Variants in ZSCAN9 observed in about 807,000 individuals in gnomAD.
The protein encoded by ZSCAN9 is zinc finger and SCAN domain-containing protein 9.
A neutral mutation model predicts 23.0 loss-of-function variants in ZSCAN9; 19 were observed. The observed-to-expected ratio is 0.83, with a 90% CI of 0.58 to 1.21. The LOEUF is 1.21. Among genes scored for constraint, ZSCAN9 ranks in the 50% most tolerant of loss-of-function variants. The pLI is 0.00. For synonymous variants in ZSCAN9, 155 were observed against 164.8 expected (o/e 0.94, Z 0.46); for missense variants, 467 against 471.5 (o/e 0.99, Z 0.09).
In ZSCAN9 at chr6:28,227,133, G is replaced by A; in HGVS notation, c.49G>A (p.Glu17Lys). ...EVLSLGVQVP[E>K]AWEELLTMKV... ...TTTATCCCTGGGTGTTCAAGTTCCC[G>A]AGGCATGGGAAGAACTTCTGACAAT... The change falls in exon 2 of 4, where the codon GAG (glutamate) becomes AAG (lysine). Residue 17 changes from glutamate (E) to lysine (K), a missense_variant. Physicochemically the swap from Glu to Lys is moderately conservative, Grantham distance 56. Transcript: ENST00000252207. The A allele has an allele frequency of 9.3e-6, 15 of 1,614,186 alleles. No individual in the cohort carries two copies. Among genetic ancestry groups the A allele is most frequent in the Non-Finnish European group, 1.3e-5 (15 of 1,180,030 alleles).
intron 3 of ZSCAN9, chr6:28,228,070 G>C: frequency 1.4e-6 from 1 of 696,714 alleles, no homozygotes. Flanking sequence ...TGGTACATGA[G>C]GAAGGCTTTC....
chr6:28,232,658 G>A lies in ZSCAN9; in HGVS notation c.665G>A (p.Trp222Ter). 1 of 1,614,170 alleles carries A rather than the reference G, an allele frequency of 6.2e-7. No individual in the cohort carries two copies. Among genetic ancestry groups the A allele is most frequent in the Non-Finnish European group, 8.5e-7 (1 of 1,180,034 alleles). Residue 222 changes from tryptophan to a stop codon, truncating the protein, a stop_gained, in exon 4 of 4, where the codon TGG becomes TAG. Coordinates refer to ENST00000252207, the MANE Select transcript of ZSCAN9 (RefSeq NM_006299.5). LOFTEE classifies it low-confidence loss of function (END_TRUNC). ...PHGKMFNEQT[W>*]EVSQQDPSHG... ...GGGAAAATGTTTAATGAGCAGACCT[G>A]GGAGGTATCACAGCAGGATCCCTCA...
chr6:28,226,608 C>T (rs1364250999), intron 1 of ZSCAN9, among the ~76,000 whole-genome samples: 1 of 152,120 alleles, frequency 6.6e-6, no homozygotes, highest in Admixed American at 6.5e-5. Flanking sequence ...CACAAGGTCA[C>T]ACAACTAGTA....
chr6:28,232,088 T>C (rs142255256), intron 3 of ZSCAN9, among the ~76,000 whole-genome samples: 27,939 of 152,098 alleles, frequency 0.18, 3,051 homozygotes, highest in African/African-American at 0.29. Context: ...TCGCAGCATT[T>C]TGGGAGGCCG....
chr6:28,230,249 G>C, intron 3 of ZSCAN9: 1 of 1,216,858 alleles, frequency 8.2e-7, no homozygotes, highest in Non-Finnish European at 1.1e-6. Context: ...TGCTTCATAA[G>C]TCATGAAAGT....
Position 28,227,268 on chromosome 6 carries a change from G to T in ZSCAN9, c.184G>T (p.Glu62Ter). ...RRHFRQLCYQ[E>*]TPGPREALTR... ...GCACTTTCGACAGCTGTGCTACCAAGAGACCCCTGGACCAAGGGAGGCTCT... is the reference window on the plus strand; with the variant it reads ...GCACTTTCGACAGCTGTGCTACCAATAGACCCCTGGACCAAGGGAGGCTCT... Residue 62 changes from glutamate (E) to a stop codon, truncating the protein, a stop_gained, in exon 2 of 4, where the codon GAG becomes TAG. Coordinates refer to ENST00000252207, the MANE Select transcript of ZSCAN9 (RefSeq NM_006299.5). LOFTEE classifies it high-confidence loss of function. 1 of 1,614,228 alleles carries T rather than the reference G, an allele frequency of 6.2e-7. No homozygotes were observed. Among genetic ancestry groups the T allele is most frequent in the Non-Finnish European group, 8.5e-7 (1 of 1,180,038 alleles).
intron 3 of ZSCAN9, among the ~76,000 whole-genome samples, chr6:28,230,092 C>A (rs1760252888): frequency 6.6e-6 from 1 of 152,104 alleles, no homozygotes; most frequent in African/African-American, 2.4e-5. Flanking sequence ...CTCCTGACCT[C>A]GTGATTCGCC....
At position 28,227,266 on chromosome 6, in the gene ZSCAN9, A is replaced by G. The variant is rs1252344535; in HGVS notation, c.182A>G (p.Gln61Arg). Reference sequence around the variant, plus strand: ...AGGCACTTTCGACAGCTGTGCTACCAAGAGACCCCTGGACCAAGGGAGGCT... The same window carrying G: ...AGGCACTTTCGACAGCTGTGCTACCGAGAGACCCCTGGACCAAGGGAGGCT... ...FRRHFRQLCY[Q>R]ETPGPREALT... Residue 61 changes from glutamine to arginine, a missense_variant, in exon 2 of 4, where the codon CAA becomes CGA. Gln to Arg is a conservative substitution (Grantham distance 43). Transcript: ENST00000252207. The G allele has an allele frequency of 6.2e-7, 1 of 1,614,080 alleles. No homozygotes were observed. The highest frequency in any genetic ancestry group is 1.3e-5 in the African/African-American group (1 of 74,930).
Position 28,227,489 on chromosome 6 carries a change from T to A in ZSCAN9, c.405T>A (p.Asp135Glu). Residue 135 changes from aspartate to glutamate, a missense_variant, in exon 2 of 4, where the codon GAT (aspartate) becomes GAA (glutamate). By Grantham distance (45) the Asp-to-Glu change is conservative. Coordinates refer to ENST00000252207, the MANE Select transcript of ZSCAN9 (RefSeq NM_006299.5). ...ILLEDLEREL[D>E]EPQHEMVAHR... ...TGGAGGATCTGGAGAGAGAGCTCGATGAACCACAACATGAGGTAGGAAGGG... is the reference window on the plus strand; with the variant it reads ...TGGAGGATCTGGAGAGAGAGCTCGAAGAACCACAACATGAGGTAGGAAGGG... 1 of 1,600,306 alleles carries A rather than the reference T, an allele frequency of 6.2e-7. No individual in the cohort carries two copies. The highest frequency in any genetic ancestry group is 8.5e-7 in the Non-Finnish European group (1 of 1,173,696).
intron 1 of ZSCAN9, among the ~76,000 whole-genome samples, chr6:28,226,184 A>G (rs1297787029): frequency 6.6e-6 from 1 of 152,228 alleles, no homozygotes; most frequent in Non-Finnish European, 1.5e-5. Flanking sequence ...GATGAAATAT[A>G]GTCTTGTATC....
At chr6:28,230,387 A>G in intron 3 of ZSCAN9, 1 of 1,536,070 alleles carries the variant, frequency 6.5e-7, no homozygotes, top group Non-Finnish European at 8.7e-7. Context: ...CTTGGGGCCC[A>G]TCTGTTCTCT....
In ZSCAN9 at chr6:28,232,708, G is replaced by C; in HGVS notation, c.715G>C (p.Asp239His). Residue 239 changes from aspartate to histidine, a missense_variant, in exon 4 of 4, where the codon GAT becomes CAT. By Grantham distance (81) the Asp-to-His change is moderately conservative. Coordinates refer to ENST00000252207, the MANE Select transcript of ZSCAN9 (RefSeq NM_006299.5). ...ACATGGAGAAGTTGGTGAACATAAG[G>C]ATAGGATAGAGAGGCAGTGGGGAAA... ...PSHGEVGEHK[D>H]RIERQWGNLL... 6.2e-7 allele frequency: 1 copy of C among 1,614,200 alleles called. No homozygotes were observed. The highest frequency in any genetic ancestry group is 8.5e-7 in the Non-Finnish European group (1 of 1,180,040).
chr6:28,226,869 A>AT (rs1203939102), intron 1 of ZSCAN9, 143 bp from the exon 2 acceptor site: 3 of 465,292 alleles, frequency 6.4e-6, no homozygotes, highest in Non-Finnish European at 1.1e-5. Flanking sequence ...ATGAATATAT[A>AT]TATTTCCATT....
intron 3 of ZSCAN9, 156 bp downstream of exon 3, chr6:28,227,993 A>G: frequency 3.3e-6 from 3 of 917,002 alleles, no homozygotes; most frequent in Non-Finnish European, 5.2e-6. Context: ...CTCATCTTTG[A>G]CCCTTCTCCC....
Position 28,232,579 on chromosome 6 carries a change from GAGGAC to G in ZSCAN9, c.589_593del (p.Asp197ArgfsTer10). 6.2e-7 allele frequency: 1 copy of G among 1,613,366 alleles called. No individual in the cohort carries two copies. Among genetic ancestry groups the G allele is most frequent in the Non-Finnish European group, 8.5e-7 (1 of 1,179,514 alleles). ...TGTTTCAGATGAAGTAACCAAGACT[GAGGAC>G]AGAGAGTTGGTGCTAAGGAAAGACT... On this transcript the variant is annotated frameshift_variant, in exon 4 of 4. Coordinates refer to ENST00000252207, the MANE Select transcript of ZSCAN9 (RefSeq NM_006299.5). LOFTEE classifies it low-confidence loss of function (END_TRUNC).
At chr6:28,230,556 A>G in intron 3 of ZSCAN9, 1 of 1,463,796 alleles carries the variant, frequency 6.8e-7, no homozygotes, top group South Asian at 1.3e-5. Flanking sequence ...ATTTTGGTCA[A>G]AAGAGGAGGC....
In ZSCAN9 at chr6:28,227,238, C is replaced by G; in HGVS notation, c.154C>G (p.Arg52Gly). 6.2e-7 allele frequency: 1 copy of G among 1,614,218 alleles called. No individual in the cohort carries two copies. The highest frequency in any genetic ancestry group is 8.5e-7 in the Non-Finnish European group (1 of 1,180,050). Residue 52 changes from arginine (R) to glycine (G), a missense_variant, in exon 2 of 4, where the codon CGA (arginine) becomes GGA (glycine). Coordinates refer to ENST00000252207, the MANE Select transcript of ZSCAN9 (RefSeq NM_006299.5). The part of the protein sequence containing the change: ...RSNPLAREIF[R>G]RHFRQLCYQE... Reference sequence around the variant, plus strand: ...TAATCCACTGGCAAGGGAAATCTTCCGAAGGCACTTTCGACAGCTGTGCTA... The same window carrying G: ...TAATCCACTGGCAAGGGAAATCTTCGGAAGGCACTTTCGACAGCTGTGCTA...
In ZSCAN9 at chr6:28,227,396, G is replaced by T. The variant is rs1397350633; in HGVS notation, c.312G>T (p.Leu104=). ...LLVLEQFLSI[L]PKELQGWVRE... is the part of the protein sequence containing the mutation. ...TGCTGGAGCAGTTTCTATCCATTCT[G>T]CCCAAGGAGCTCCAGGGCTGGGTGA... The change falls in exon 2 of 4, where the codon CTG becomes CTT. Residue 104 remains leucine, a synonymous_variant. Transcript: ENST00000252207. 3 of 1,614,184 alleles carry T rather than the reference G, an allele frequency of 1.9e-6. No individual in the cohort carries two copies. Among genetic ancestry groups the T allele is most frequent in the African/African-American group, 2.7e-5 (2 of 75,040 alleles).
Position 28,227,797 on chromosome 6 carries a change from A to G in ZSCAN9, c.528A>G (p.Thr176=), listed in dbSNP as rs1242785290. 2 of 1,613,626 alleles carry G rather than the reference A, an allele frequency of 1.2e-6. No homozygotes were observed. The highest frequency in any genetic ancestry group is 1.7e-6 in the Non-Finnish European group (2 of 1,179,864). ...CCCAGCCTAAGGAGCCACAGCTCAC[A>G]TGTGACTCTGCTCAGAAGTGCCATT... ...LQSQPKEPQL[T]CDSAQKCHSI... The change falls in exon 3 of 4, where the codon ACA becomes ACG. Residue 176 remains threonine (T), a synonymous_variant. Coordinates refer to ENST00000252207, the MANE Select transcript of ZSCAN9 (RefSeq NM_006299.5).
Sources: allele counts gnomAD v4.1 joint callset (sites outside exome capture counted in the v4.1 genomes callset), GRCh38; gene constraint gnomAD v4.1.1; transcripts MANE v1.5; gene names NCBI Gene and HGNC (gene_info 2026-07-23, HGNC 2026-07-21).